The following SPOCK3 variants were observed in gnomAD, a reference collection of about 807,000 sequenced individuals.
The protein encoded by SPOCK3 is testican-3.
In SPOCK3, 30 loss-of-function variants were observed where a neutral mutation model predicts 56.6. The observed-to-expected ratio is 0.53, with a 90% CI of 0.40 to 0.72. The LOEUF is 0.72. Ranked by LOEUF, SPOCK3 falls within the 30% of genes least tolerant of loss-of-function variation. The pLI is 0.00. For missense variants in SPOCK3, 527 were observed against 530.0 expected, an observed-to-expected ratio of 0.99 and a Z score of 0.06; for synonymous variants, 196 against 183.3, an observed-to-expected ratio of 1.07 and a Z score of -0.56.
intron 4 of SPOCK3, among the ~76,000 whole-genome samples, chr4:166,961,473 C>A (rs1744140639): frequency 6.6e-6 from 1 of 151,526 alleles, no homozygotes; most frequent in Non-Finnish European, 1.5e-5. Context: ...TTCAGCTTGT[C>A]TCTTGAATTT....
chr4:166,751,343 G>GA (rs1480461878), intron 8 of SPOCK3, among the ~76,000 whole-genome samples: 2 of 151,952 alleles, frequency 1.3e-5, no homozygotes, highest in African/African-American at 2.4e-5. Context: ...TCATTCCTGA[G>GA]AAAAAACCCT....
intron 2 of SPOCK3, among the ~76,000 whole-genome samples, chr4:167,114,057 G>A (rs1262695000): frequency 6.6e-6 from 1 of 152,082 alleles, no homozygotes; most frequent in Non-Finnish European, 1.5e-5. Context: ...CTTTTTAATT[G>A]TATTCAAGAG....
At chr4:167,067,811 G>C (rs948639483) in intron 2 of SPOCK3, among the ~76,000 whole-genome samples, 7 of 151,876 alleles carry the variant, frequency 4.6e-5, no homozygotes, top group South Asian at 2.1e-4. Flanking sequence ...AAGGAGACAG[G>C]CTTTTACAAT....
chr4:166,767,626 G>C (rs917254635), intron 7 of SPOCK3, among the ~76,000 whole-genome samples: 12 of 152,210 alleles, frequency 7.9e-5, no homozygotes, highest in Non-Finnish European at 1.8e-4. Context: ...GTGAATTTTG[G>C]AATAAGTGCC....
At chr4:167,222,956 A>G (rs1333589887) in intron 2 of SPOCK3, among the ~76,000 whole-genome samples, 1 of 127,796 alleles carries the variant, frequency 7.8e-6, no homozygotes, top group Non-Finnish European at 1.5e-5. Context: ...TATAATATAT[A>G]TTATACATAT....
rs568430154 is a variant in SPOCK3 at position 166,903,855 on chromosome 4, T to C, written c.474+8765A>G. Among the ~76,000 whole-genome samples the C allele has an allele frequency of 3.9e-5, 6 of 152,142 alleles. No homozygotes were observed. In the South Asian group the frequency reaches 1.2e-3, roughly 32 times the overall value. The stretch of plus-strand genomic sequence containing the variant: ...AAACATACAGTGCTCATAGAGTATA[T>C]CCAGTGTGATTGTGGGAAGAATATA... On this transcript the variant is annotated intron_variant, in intron 5 of 10. Coordinates refer to ENST00000357545, the MANE Select transcript of SPOCK3 (RefSeq NM_001040159.2).
chr4:167,003,064 C>G (rs1468675096), intron 3 of SPOCK3, among the ~76,000 whole-genome samples: 1 of 108,844 alleles, frequency 9.2e-6, no homozygotes, highest in Non-Finnish European at 1.9e-5. Flanking sequence ...GATTCCAATG[C>G]AGACTGGTAT....
At chr4:167,119,656 CAT>C in intron 2 of SPOCK3, 1 of 596,798 alleles carries the variant, frequency 1.7e-6, no homozygotes. Flanking sequence ...TGACATCAGT[CAT>C]AGACTTGTTT....
rs533313424 is a variant in SPOCK3, at chr4:167,163,933, A to G, written c.189+70052T>C. ...ATATAACTGGTTTTATAGCTTATCA[A>G]TTATAGTCTATTAGAAGAAAAGTCT... On this transcript the variant is annotated intron_variant, in intron 2 of 10. Transcript: ENST00000357545. Among the ~76,000 whole-genome samples the G allele has an allele frequency of 4.6e-5, 7 of 152,254 alleles. No individual in the cohort carries two copies. In the South Asian group the frequency reaches 1.4e-3, roughly 32 times the overall value.
chr4:166,990,724 A>C (rs1361986420), intron 4 of SPOCK3, among the ~76,000 whole-genome samples: 1 of 152,168 alleles, frequency 6.6e-6, no homozygotes, highest in Non-Finnish European at 1.5e-5. Flanking sequence ...GTTTGGATTT[A>C]ATATTTAAAA....
intron 5 of SPOCK3, among the ~76,000 whole-genome samples, chr4:166,899,508 CTTTTTT>C (rs781766258): frequency 8.4e-6 from 1 of 119,100 alleles, no homozygotes; most frequent in Non-Finnish European, 1.7e-5. Flanking sequence ...TTCTTTCTTT[CTTTTTT>C]TTTTTTTTTT....
chr4:167,077,323 C>T (rs924195098), intron 2 of SPOCK3, among the ~76,000 whole-genome samples: 5 of 151,464 alleles, frequency 3.3e-5, no homozygotes, highest in Non-Finnish European at 7.4e-5. Context: ...TCCTGCATTG[C>T]CTACTATTTT....
chr4:167,058,650 C>T (rs1472789485), intron 3 of SPOCK3, among the ~76,000 whole-genome samples: 2 of 152,100 alleles, frequency 1.3e-5, no homozygotes, highest in Non-Finnish European at 2.9e-5. Flanking sequence ...GAAAAAACTA[C>T]TTTAAAGTTC....
At chr4:167,047,009 A>G (rs1051510230) in intron 3 of SPOCK3, among the ~76,000 whole-genome samples, 6 of 152,170 alleles carry the variant, frequency 3.9e-5, no homozygotes, top group Non-Finnish European at 4.4e-5. Context: ...TTTGTAGAGG[A>G]CATACGGATA....
intron 2 of SPOCK3, among the ~76,000 whole-genome samples, chr4:167,141,406 G>C (rs1403932906): frequency 1.3e-5 from 2 of 151,978 alleles, no homozygotes; most frequent in Admixed American, 1.3e-4. Flanking sequence ...CACAATAGGG[G>C]AGGACCTAGT....
At chr4:166,766,297 C>A in intron 7 of SPOCK3, among the ~76,000 whole-genome samples, 1 of 152,102 alleles carries the variant, frequency 6.6e-6, no homozygotes, top group Non-Finnish European at 1.5e-5. Flanking sequence ...CAGTTTATGT[C>A]CATTCAGTAT....
At chr4:167,029,492 TTC>T (rs1752057421) in intron 3 of SPOCK3, among the ~76,000 whole-genome samples, 2 of 152,062 alleles carry the variant, frequency 1.3e-5, no homozygotes, top group Non-Finnish European at 2.9e-5. Context: ...AAAATTATCT[TTC>T]TGTGTGTCTG....
At position 167,124,225 on chromosome 4, in the gene SPOCK3, C is replaced by T. The variant is rs145378282; in HGVS notation, c.190-61688G>A. On this transcript the variant is annotated intron_variant, in intron 2 of 10. Transcript: ENST00000357545. ...TGTTTTCTTTTTAACCTGTCACTCC[C>T]CAGGGACTTCATCTGGTCTTATGAT... Among the ~76,000 whole-genome samples, 531 of 152,240 alleles carry T rather than the reference C, an allele frequency of 3.5e-3. 1 individual carries two copies. The highest frequency in any genetic ancestry group is 6.2e-3 in the Non-Finnish European group (419 of 68,010).
intron 2 of SPOCK3, among the ~76,000 whole-genome samples, chr4:167,158,415 G>A (rs1054549548): frequency 1.3e-5 from 2 of 151,936 alleles, no homozygotes; most frequent in African/African-American, 4.8e-5. Context: ...TGTATGAAAT[G>A]CAGTGGGTGT....
Sources: allele counts gnomAD v4.1 joint callset (sites outside exome capture counted in the v4.1 genomes callset), GRCh38; gene constraint gnomAD v4.1.1; transcripts MANE v1.5; gene names NCBI Gene and HGNC (gene_info 2026-07-23, HGNC 2026-07-21).